KSR2: variants seen among roughly 807,000 people sequenced by gnomAD.
KSR2 encodes kinase suppressor of ras 2.
KSR2 carries 25 observed loss-of-function variants against 107.8 expected under a neutral mutation model. The observed-to-expected ratio is 0.23, with a 90% CI of 0.17 to 0.32. The LOEUF (loss-of-function observed/expected upper bound fraction) is 0.32. Ranked by LOEUF, KSR2 falls within the 10% of genes least tolerant of loss-of-function variation. The probability of loss-of-function intolerance (pLI) is 1.00; values close to 1 mark genes in which losing one functional copy is unlikely to be tolerated. For synonymous variants in KSR2, 480 were observed against 507.0 expected, an observed-to-expected ratio of 0.95 and a Z score of 0.71; for missense variants, 887 against 1,268.9, an observed-to-expected ratio of 0.70 and a Z score of 4.57.
intron 5 of KSR2, 146 bp downstream of exon 5, chr12:117,667,328 T>A: frequency 1.3e-6 from 1 of 785,798 alleles, no homozygotes; most frequent in Non-Finnish European, 2.0e-6. Context: ...TGTGGGCAGA[T>A]GATGGGTGAA....
chr12:117,746,391 G>C (rs533026017), intron 4 of KSR2, among the ~76,000 whole-genome samples: 1 of 152,220 alleles, frequency 6.6e-6, no homozygotes, highest in South Asian at 2.1e-4. Flanking sequence ...GCAGAAAACA[G>C]AAACTGGACC....
intron 3 of KSR2, among the ~76,000 whole-genome samples, chr12:117,809,453 T>C (rs1485768740): frequency 5.3e-5 from 8 of 152,114 alleles, no homozygotes; most frequent in Non-Finnish European, 1.2e-4. Context: ...GACTGCCAAA[T>C]GTCCACGGGA....
chr12:117,612,805 T>A (rs1404045425), intron 5 of KSR2, among the ~76,000 whole-genome samples: 2 of 152,152 alleles, frequency 1.3e-5, no homozygotes, highest in Non-Finnish European at 2.9e-5. Context: ...GGGAGGCAAT[T>A]GGATCATGGT....
At chr12:117,472,120 C>G (rs1871498783) in intron 17 of KSR2, among the ~76,000 whole-genome samples, 1 of 152,166 alleles carries the variant, frequency 6.6e-6, no homozygotes, top group Non-Finnish European at 1.5e-5. Context: ...CGTCACTTCA[C>G]TTCTCCAAAT....
intron 1 of KSR2, among the ~76,000 whole-genome samples, chr12:117,883,959 A>G (rs1488571823): frequency 6.6e-6 from 1 of 152,092 alleles, no homozygotes; most frequent in African/African-American, 2.4e-5. Flanking sequence ...AGTCACGGAA[A>G]GCAGGTGAAT....
At chr12:117,532,468 C>T (rs911898397) in intron 10 of KSR2, among the ~76,000 whole-genome samples, 8 of 152,152 alleles carry the variant, frequency 5.3e-5, no homozygotes, top group African/African-American at 1.9e-4. Context: ...TAAGATAATC[C>T]TCCCATCTCA....
intron 14 of KSR2, among the ~76,000 whole-genome samples, chr12:117,511,993 C>T (rs978763928): frequency 5.3e-5 from 8 of 152,162 alleles, no homozygotes; most frequent in African/African-American, 1.9e-4. Flanking sequence ...CTGAAATAGT[C>T]CCACTAACCT....
In KSR2 at chr12:117,462,482, G is replaced by A. The variant is rs890179143; in HGVS notation, c.*4717C>T. The A allele has an allele frequency of 6.6e-6, 1 of 152,184 alleles. No individual in the cohort carries two copies. Among genetic ancestry groups the A allele is most frequent in the Non-Finnish European group, 1.5e-5 (1 of 68,058 alleles). The allele number at this position is 152,184 out of a possible 1,614,324, so 9.4% of individuals were successfully genotyped here. A position where few individuals can be genotyped will look rare whatever the true frequency, so the allele number is the denominator to read the frequency against. ...CTGACACAGCTGCAAGCCAAGGAAT[G>A]CCAATGATGACCAGGAAAGCACCAG... On this transcript the variant is annotated 3_prime_UTR_variant, in exon 20 of 20. Transcript: ENST00000339824.
intron 3 of KSR2, among the ~76,000 whole-genome samples, chr12:117,833,670 G>C (rs550817069): frequency 6.6e-6 from 1 of 152,240 alleles, no homozygotes; most frequent in South Asian, 2.1e-4. Flanking sequence ...TGCCTGGCCA[G>C]GGGTGCATTT....
chr12:117,586,069 G>A (rs1200746306), intron 5 of KSR2, among the ~76,000 whole-genome samples: 2 of 152,128 alleles, frequency 1.3e-5, no homozygotes, highest in African/African-American at 4.8e-5. Context: ...AGCAGTCAGA[G>A]GGACAAACAG....
intron 3 of KSR2, among the ~76,000 whole-genome samples, chr12:117,827,350 T>C (rs561793766): frequency 6.6e-6 from 1 of 152,244 alleles, no homozygotes; most frequent in African/African-American, 2.4e-5. Context: ...CTGGTAAACA[T>C]GTCCTGCCTC....
intron 3 of KSR2, among the ~76,000 whole-genome samples, chr12:117,844,718 C>A (rs1468560527): frequency 1.3e-5 from 2 of 152,218 alleles, no homozygotes; most frequent in Non-Finnish European, 2.9e-5. Flanking sequence ...CCTCCACCAA[C>A]CACCTGCTAA....
intron 5 of KSR2, among the ~76,000 whole-genome samples, chr12:117,640,465 G>C (rs1883306289): frequency 6.6e-6 from 1 of 152,178 alleles, no homozygotes; most frequent in Non-Finnish European, 1.5e-5. Flanking sequence ...AGACCAGGCT[G>C]GTCTCAAACT....
chr12:117,873,147 C>A (rs1307003523), intron 1 of KSR2, among the ~76,000 whole-genome samples: 1 of 152,046 alleles, frequency 6.6e-6, no homozygotes, highest in Non-Finnish European at 1.5e-5. Flanking sequence ...GAGTTTGAGA[C>A]CAGCCTGGCT....
intron 3 of KSR2, among the ~76,000 whole-genome samples, chr12:117,803,564 G>C (rs907939798): frequency 6.6e-6 from 1 of 152,052 alleles, no homozygotes; most frequent in African/African-American, 2.4e-5. Flanking sequence ...TTAGCCGGAC[G>C]TGGTGGCGGG....
chr12:117,480,234 G>T (rs1438810762), intron 16 of KSR2, among the ~76,000 whole-genome samples: 3 of 152,068 alleles, frequency 2.0e-5, no homozygotes, highest in Non-Finnish European at 4.4e-5. Flanking sequence ...CCATCTTTTT[G>T]CAAACACCCC....
At chr12:117,875,463 G>A (rs1893811095) in intron 1 of KSR2, among the ~76,000 whole-genome samples, 1 of 152,030 alleles carries the variant, frequency 6.6e-6, no homozygotes, top group African/African-American at 2.4e-5. Context: ...TCGCAGCAGC[G>A]CCAAGGGAAG....
intron 4 of KSR2, among the ~76,000 whole-genome samples, chr12:117,675,885 C>T (rs966438233): frequency 1.3e-5 from 2 of 152,174 alleles, no homozygotes; most frequent in Admixed American, 6.5e-5. Flanking sequence ...TCTTGCAGAC[C>T]GCCCTGTACA....
chr12:117,905,684 C>T (rs1352246691), intron 1 of KSR2, among the ~76,000 whole-genome samples: 10 of 152,184 alleles, frequency 6.6e-5, no homozygotes, highest in Non-Finnish European at 1.5e-4. Context: ...GGAGAAAACA[C>T]TTTGCCTGAG....
Sources: gnomAD v4.1 joint callset for allele counts (sites outside exome capture counted in the v4.1 genomes callset) on GRCh38, gnomAD v4.1.1 for gene constraint, MANE v1.5 for transcripts, NCBI Gene and HGNC (gene_info 2026-07-23, HGNC 2026-07-21) for gene names.